Variants in USH2A observed in about 807,000 individuals in gnomAD.
The protein encoded by USH2A is usherin.
In USH2A, 443 loss-of-function variants were observed where a neutral mutation model predicts 538.9. The ratio of observed to expected loss-of-function variants is 0.82; its 90% CI spans 0.76 to 0.89. USH2A has a LOEUF of 0.89. USH2A is among the 40% of genes least tolerant of loss of function. USH2A has a pLI of 0.00. For synonymous variants in USH2A, 2,413 were observed against 2,273.5 expected (o/e 1.06, Z -1.75); for missense variants, 6,633 against 6,324.8 (o/e 1.05, Z -1.65).
intron 11 of USH2A, among the ~76,000 whole-genome samples, chr1:216,273,107 C>G (rs936347750): frequency 1.3e-5 from 2 of 152,088 alleles, no homozygotes; most frequent in African/African-American, 4.8e-5. Flanking sequence ...ACACCACCAG[C>G]AGTCACAAAA....
chr1:215,661,179 G>A (rs116703201), intron 64 of USH2A, among the ~76,000 whole-genome samples: 2,588 of 152,276 alleles, frequency 0.017, 47 homozygotes, highest in Middle Eastern at 0.058. Flanking sequence ...TCTGAGTGTG[G>A]GGGACGAGCT....
chr1:216,223,024 G>A (rs114841159), intron 14 of USH2A, among the ~76,000 whole-genome samples: 1,503 of 149,970 alleles, frequency 0.01, 25 homozygotes, highest in African/African-American at 0.035. Context: ...TCTAAAAGCT[G>A]GGAAAATCAA....
intron 11 of USH2A, among the ~76,000 whole-genome samples, chr1:216,274,754 G>C (rs1489063803): frequency 6.6e-6 from 1 of 152,058 alleles, no homozygotes; most frequent in African/African-American, 2.4e-5. Context: ...GCAAAGAAAA[G>C]CTTCTACATT....
chr1:216,071,776 G>T (rs936060647), intron 29 of USH2A, among the ~76,000 whole-genome samples: 1 of 152,194 alleles, frequency 6.6e-6, no homozygotes, highest in Non-Finnish European at 1.5e-5. Flanking sequence ...TGAAATAGGA[G>T]CAGAGAACAT....
intron 13 of USH2A, among the ~76,000 whole-genome samples, chr1:216,239,797 G>A (rs994714184): frequency 2.0e-5 from 3 of 152,076 alleles, no homozygotes; most frequent in Non-Finnish European, 2.9e-5. Flanking sequence ...AGGGTGGCAA[G>A]AAGTGGTCAA....
chr1:215,703,942 G>A (rs1659107180), intron 61 of USH2A, among the ~76,000 whole-genome samples: 1 of 152,186 alleles, frequency 6.6e-6, no homozygotes. Flanking sequence ...GGCCCTGGTG[G>A]TGTAGGCACC....
At chr1:216,051,475 A>T (rs2102529545) in intron 30 of USH2A, among the ~76,000 whole-genome samples, 1 of 152,350 alleles carries the variant, frequency 6.6e-6, no homozygotes, top group African/African-American at 2.4e-5. Flanking sequence ...CCTATTGCCA[A>T]GTTGGAAACT....
intron 13 of USH2A, among the ~76,000 whole-genome samples, chr1:216,238,945 T>TG (rs1310719031): frequency 6.6e-6 from 1 of 152,074 alleles, no homozygotes; most frequent in Non-Finnish European, 1.5e-5. Context: ...CTCTCAGACA[T>TG]GTTTAAATAA....
chr1:216,362,061 T>A (rs1000799034), intron 4 of USH2A, among the ~76,000 whole-genome samples: 1 of 152,290 alleles, frequency 6.6e-6, no homozygotes, highest in African/African-American at 2.4e-5. Flanking sequence ...CAGGTGTATA[T>A]AAATATTAAA....
At chr1:216,102,786 C>T (rs143954173) in intron 21 of USH2A, among the ~76,000 whole-genome samples, 1 of 151,818 alleles carries the variant, frequency 6.6e-6, no homozygotes. Flanking sequence ...GGCGACAGAA[C>T]GAGATTCCGT....
chr1:216,340,951 C>A (rs1371073137), intron 4 of USH2A, among the ~76,000 whole-genome samples: 3 of 152,128 alleles, frequency 2.0e-5, no homozygotes, highest in African/African-American at 4.8e-5. Context: ...AGGATCCCTT[C>A]TTTCATCATT....
chr1:215,901,185 T>C, intron 38 of USH2A: 1 of 452,660 alleles, frequency 2.2e-6, no homozygotes, highest in South Asian at 2.1e-5. Flanking sequence ...GTTTATCTAA[T>C]TGAAAACATG....
intron 36 of USH2A, among the ~76,000 whole-genome samples, chr1:215,968,123 T>C (rs1667400562): frequency 6.6e-6 from 1 of 152,204 alleles, no homozygotes; most frequent in Non-Finnish European, 1.5e-5. Flanking sequence ...ATTTAAAAAG[T>C]TCCTGCTGCA....
intron 21 of USH2A, among the ~76,000 whole-genome samples, chr1:216,124,120 T>A (rs2033197600): frequency 6.6e-6 from 1 of 152,102 alleles, no homozygotes; most frequent in Non-Finnish European, 1.5e-5. Flanking sequence ...ATAGAAACCT[T>A]TTGTCGCTTT....
At chr1:215,850,666 A>T (rs1663994022) in intron 44 of USH2A, among the ~76,000 whole-genome samples, 1 of 152,172 alleles carries the variant, frequency 6.6e-6, no homozygotes, top group African/African-American at 2.4e-5. Flanking sequence ...GAAACAATGG[A>T]CTTAGAGTAT....
chr1:215,940,671 A>G (rs1458439499), intron 37 of USH2A, among the ~76,000 whole-genome samples: 1 of 152,130 alleles, frequency 6.6e-6, no homozygotes, highest in African/African-American at 2.4e-5. Context: ...AAGAGAAATA[A>G]ATAGCCTATG....
chr1:216,289,740 C>T (rs1446744424), intron 10 of USH2A, among the ~76,000 whole-genome samples: 2 of 152,084 alleles, frequency 1.3e-5, no homozygotes, highest in Non-Finnish European at 2.9e-5. Flanking sequence ...TTTATCTAAA[C>T]TCAATACAGC....
chr1:216,218,848 T>C (rs1205627638), intron 14 of USH2A, among the ~76,000 whole-genome samples: 3 of 152,110 alleles, frequency 2.0e-5, no homozygotes, highest in African/African-American at 7.2e-5. Flanking sequence ...TTATGTATTA[T>C]AATTAAAATG....
rs77177357 is a variant in USH2A at position 216,186,237 on chromosome 1, C to A, written c.4396+3986G>T. ...TTAGCAAAGAATAAAAAAAAAAAAA[C>A]ACATTTGAAATTTACCACTATATCT... On this transcript the variant is annotated intron_variant, in intron 20 of 71. Transcript: ENST00000307340. Among the ~76,000 whole-genome samples, 5 of 148,926 alleles carry A rather than the reference C, an allele frequency of 3.4e-5. No individual in the cohort carries two copies. The East Asian group carries it at 6.0e-4, about 18-fold the overall frequency.
Sources: allele counts gnomAD v4.1 joint callset (sites outside exome capture counted in the v4.1 genomes callset), GRCh38; gene constraint gnomAD v4.1.1; transcripts MANE v1.5; gene names NCBI Gene and HGNC (gene_info 2026-07-23, HGNC 2026-07-21).